The following COL23A1 variants were observed in gnomAD, a reference collection of about 807,000 sequenced individuals.
COL23A1 encodes the protein collagen type XXIII alpha 1 chain, also known as collagen alpha-1(XXIII) chain.
In COL23A1, 97 loss-of-function variants were observed where a neutral mutation model predicts 99.3. That is an observed-to-expected ratio of 0.98 (90% CI 0.83 to 1.16). The LOEUF is 1.16. COL23A1 is among the 50% of genes most tolerant of loss of function. The pLI is 0.00. For synonymous variants in COL23A1, 320 were observed against 308.2 expected (o/e 1.04, Z -0.40); for missense variants, 762 against 757.4 (o/e 1.01, Z -0.07).
At chr5:178,523,239 CAGAGAGAG>C (rs1164498814) in intron 2 of COL23A1, among the ~76,000 whole-genome samples, 153 of 66,228 alleles carry the variant, frequency 2.3e-3, no homozygotes, top group Non-Finnish European at 3.9e-3. Context: ...GAGGGAGAGA[CAGAGAGAG>C]AGAGAGAGAC....
intron 14 of COL23A1, 69 bp downstream of exon 14, chr5:178,256,797 T>A (rs181073912): frequency 6.9e-7 from 1 of 1,458,348 alleles, no homozygotes; most frequent in African/African-American, 1.4e-5. Flanking sequence ...AAACCACATC[T>A]CCCACTCCCG....
intron 2 of COL23A1, among the ~76,000 whole-genome samples, chr5:178,473,728 C>A (rs1756886201): frequency 6.6e-6 from 1 of 152,082 alleles, no homozygotes; most frequent in South Asian, 2.1e-4. Context: ...CTATGATCAG[C>A]CTTACCCTAG....
intron 2 of COL23A1, among the ~76,000 whole-genome samples, chr5:178,334,391 C>T (rs1760205730): frequency 6.6e-6 from 1 of 152,268 alleles, no homozygotes; most frequent in South Asian, 2.1e-4. Context: ...AAATGATTTC[C>T]GTTTGTGGGC....
intron 2 of COL23A1, among the ~76,000 whole-genome samples, chr5:178,311,466 G>T (rs1195238322): frequency 6.6e-6 from 1 of 151,890 alleles, no homozygotes; most frequent in African/African-American, 2.4e-5. Flanking sequence ...GGGCTTTAAT[G>T]TAAGTGGGTT....
intron 2 of COL23A1, among the ~76,000 whole-genome samples, chr5:178,418,787 G>C (rs557595133): frequency 1.2e-4 from 19 of 152,340 alleles, no homozygotes; most frequent in African/African-American, 4.1e-4. Context: ...TGGGAGGCAG[G>C]CCTGGCCTAA....
intron 2 of COL23A1, among the ~76,000 whole-genome samples, chr5:178,452,186 C>T (rs1767527005): frequency 6.6e-6 from 1 of 151,942 alleles, no homozygotes; most frequent in Non-Finnish European, 1.5e-5. Context: ...AATAAAATGT[C>T]CAAAAGTAGA....
intron 25 of COL23A1, among the ~76,000 whole-genome samples, chr5:178,244,688 G>A (rs1398751228): frequency 6.6e-6 from 1 of 152,242 alleles, no homozygotes; most frequent in African/African-American, 2.4e-5. Flanking sequence ...TGTTGACACA[G>A]TTGAGCCCTG....
intron 2 of COL23A1, among the ~76,000 whole-genome samples, chr5:178,336,950 G>A (rs947856467): frequency 4.0e-5 from 6 of 151,716 alleles, no homozygotes; most frequent in African/African-American, 7.3e-5. Context: ...CTGCTATACC[G>A]AGGCGTGGGT....
At chr5:178,534,124 G>C (rs919874320) in intron 2 of COL23A1, among the ~76,000 whole-genome samples, 11 of 152,160 alleles carry the variant, frequency 7.2e-5, no homozygotes, top group Non-Finnish European at 1.5e-4. Flanking sequence ...ACCATAGACT[G>C]GGTGGCTTAT....
At chr5:178,299,645 T>C (rs1757924872) in intron 3 of COL23A1, among the ~76,000 whole-genome samples, 1 of 152,204 alleles carries the variant, frequency 6.6e-6, no homozygotes, top group Non-Finnish European at 1.5e-5. Context: ...TTCCATTTCA[T>C]TTCTTTCTAC....
intron 1 of COL23A1, among the ~76,000 whole-genome samples, chr5:178,582,361 C>T (rs1021943642): frequency 1.3e-5 from 2 of 152,138 alleles, no homozygotes; most frequent in South Asian, 2.1e-4. Context: ...GGCAAGAATG[C>T]GATGTGCAGC....
chr5:178,393,101 T>C (rs753453151), intron 2 of COL23A1, among the ~76,000 whole-genome samples: 11 of 152,228 alleles, frequency 7.2e-5, no homozygotes, highest in Non-Finnish European at 1.2e-4. Context: ...CAACCGTGCA[T>C]TGTTGCCGAA....
At chr5:178,464,545 A>G (rs1756309568) in intron 2 of COL23A1, among the ~76,000 whole-genome samples, 1 of 152,238 alleles carries the variant, frequency 6.6e-6, no homozygotes, top group Non-Finnish European at 1.5e-5. Context: ...CATGATTACA[A>G]GCACGTTGCT....
At chr5:178,464,070 A>C (rs1756280462) in intron 2 of COL23A1, among the ~76,000 whole-genome samples, 1 of 152,198 alleles carries the variant, frequency 6.6e-6, no homozygotes, top group Admixed American at 6.5e-5. Context: ...CACATAACAC[A>C]AAATGTACCA....
intron 2 of COL23A1, among the ~76,000 whole-genome samples, chr5:178,445,786 T>C (rs1025032791): frequency 1.3e-5 from 2 of 151,854 alleles, no homozygotes; most frequent in Non-Finnish European, 2.9e-5. Context: ...CAAAGACAGA[T>C]GCCATGAAGA....
At chr5:178,543,725 C>T (rs1392345609) in intron 2 of COL23A1, among the ~76,000 whole-genome samples, 1 of 152,176 alleles carries the variant, frequency 6.6e-6, no homozygotes, top group Non-Finnish European at 1.5e-5. Context: ...CTGTCTTAGC[C>T]TGTTCATGCT....
At chr5:178,345,455 C>T in intron 2 of COL23A1, 1 of 181,360 alleles carries the variant, frequency 5.5e-6, no homozygotes, top group Non-Finnish European at 1.1e-5. Flanking sequence ...TGTATCATCT[C>T]TTTTTTTTTT....
intron 3 of COL23A1, among the ~76,000 whole-genome samples, chr5:178,296,999 C>A (rs1237353933): frequency 6.6e-6 from 1 of 152,252 alleles, no homozygotes; most frequent in Non-Finnish European, 1.5e-5. Flanking sequence ...CCACGGCACA[C>A]GGAATGAAAT....
intron 2 of COL23A1, among the ~76,000 whole-genome samples, chr5:178,322,295 G>T (rs904409344): frequency 3.9e-5 from 6 of 151,982 alleles, no homozygotes; most frequent in Non-Finnish European, 8.8e-5. Flanking sequence ...CCTGGCCCAC[G>T]CCTATTTTTT....
Sources: allele counts gnomAD v4.1 joint callset (sites outside exome capture counted in the v4.1 genomes callset), GRCh38; gene constraint gnomAD v4.1.1; transcripts MANE v1.5; gene names NCBI Gene and HGNC (gene_info 2026-07-23, HGNC 2026-07-21).